Variants in SRSF11 observed in about 807,000 individuals in gnomAD.
SRSF11 encodes serine and arginine rich splicing factor 11.
Under a neutral mutation model 56.0 loss-of-function variants are expected in SRSF11, and 9 were observed. The ratio of observed to expected loss-of-function variants is 0.16; its 90% CI spans 0.10 to 0.28. The LOEUF (loss-of-function observed/expected upper bound fraction) is 0.28. Ranked by LOEUF, SRSF11 falls within the 10% of genes least tolerant of loss-of-function variation. The pLI is 1.00. For synonymous variants in SRSF11, 222 were observed against 215.3 expected (o/e 1.03, Z -0.27); for missense variants, 421 against 600.7 (o/e 0.70, Z 3.13).
chr1:70,252,968 A>G lies in SRSF11; in HGVS notation c.*2163A>G, dbSNP rs1208944724. ...AGCCTTTTAACAGATAACCAGTTGA[A>G]ATCAAACACTGCCTCCACACCGAGT... On this transcript the variant is annotated 3_prime_UTR_variant, in exon 12 of 12. Coordinates refer to ENST00000370949, the MANE Select transcript of SRSF11 (RefSeq NM_001350605.2). 6.6e-6 allele frequency: 1 copy of G among 152,232 alleles called. No individual in the cohort carries two copies. Among genetic ancestry groups the G allele is most frequent in the African/African-American group, 2.4e-5 (1 of 41,468 alleles). 9.4% of individuals were successfully genotyped at this position (152,232 alleles called of 1,614,324 possible). A position where few individuals can be genotyped will look rare whatever the true frequency, so the allele number is the denominator to read the frequency against.
intron 1 of SRSF11, chr1:70,222,630 A>G (rs1670909195): frequency 6.6e-6 from 1 of 152,218 alleles, no homozygotes; most frequent in Non-Finnish European, 1.5e-5. Flanking sequence ...TGTACTACTA[A>G]AACAGACAAT....
At chr1:70,235,669 T>C (rs1047741470) in intron 5 of SRSF11, 119 bp downstream of exon 5, 2 of 941,552 alleles carry the variant, frequency 2.1e-6, no homozygotes, top group African/African-American at 3.3e-5. Context: ...ACAAGCAATA[T>C]GTATTGTTAC....
intron 1 of SRSF11, among the ~76,000 whole-genome samples, chr1:70,209,812 T>C (rs1453346393): frequency 7.5e-6 from 1 of 134,226 alleles, no homozygotes; most frequent in Non-Finnish European, 1.6e-5. Flanking sequence ...TTGCCCAGGC[T>C]GTTCTCAAAC....
chr1:70,207,406 A>G (rs915023457), intron 1 of SRSF11, among the ~76,000 whole-genome samples: 5 of 152,166 alleles, frequency 3.3e-5, no homozygotes, highest in Admixed American at 6.5e-5. Flanking sequence ...AACTTACCCA[A>G]CCTCACAAGT....
rs558376698 is a variant in SRSF11 at position 70,221,711 on chromosome 1, T to C, written c.75T>C (p.Gly25=). ...GCGGGCCCGGTGGCGGAGGTGGTGG[T>C]GGCGGCGGAGGCGGCGGCACCGAGG... The part of the protein sequence containing the change: ...PSGGPGGGGG[G]GGGGGGTEVI... The change falls in exon 1 of 12, where the codon GGT becomes GGC. Residue 25 remains glycine (G), a synonymous_variant. Coordinates refer to ENST00000370949, the MANE Select transcript of SRSF11 (RefSeq NM_001350605.2). 3.1e-6 allele frequency: 5 copies of C among 1,612,650 alleles called. No individual in the cohort carries two copies. Among genetic ancestry groups the C allele is most frequent in the East Asian group, 2.2e-5 (1 of 44,844 alleles).
intron 6 of SRSF11, 60 bp downstream of exon 6, chr1:70,237,612 AT>A: frequency 6.3e-7 from 1 of 1,597,798 alleles, no homozygotes; most frequent in Non-Finnish European, 8.5e-7. Flanking sequence ...TTTGACATAA[AT>A]GTGGAATTGT....
intron 8 of SRSF11, among the ~76,000 whole-genome samples, chr1:70,245,995 G>A (rs1224906314): frequency 6.6e-6 from 1 of 152,102 alleles, no homozygotes; most frequent in Admixed American, 6.6e-5. Context: ...GGGAACCAAT[G>A]ATAAAGATTG....
At chr1:70,220,974 A>G (rs1206296220), upstream of SRSF11, 4 of 152,206 alleles carry the variant, frequency 2.6e-5, no homozygotes, top group African/African-American at 7.2e-5. Context: ...TGTTACCAAA[A>G]TTCATGTACA....
intron 9 of SRSF11, chr1:70,248,910 G>A (rs1259504656): frequency 6.6e-6 from 1 of 152,210 alleles, no homozygotes; most frequent in Non-Finnish European, 1.5e-5. Context: ...TCGTGACAAT[G>A]TTTGATAAGT....
chr1:70,218,887 C>T (rs1355205179), upstream of SRSF11: 1 of 151,894 alleles, frequency 6.6e-6, no homozygotes, highest in Non-Finnish European at 1.5e-5. Flanking sequence ...TAACCAACCC[C>T]CATCAAAAAT....
At chr1:70,227,969 CATT>C (rs1461408473) in intron 1 of SRSF11, among the ~76,000 whole-genome samples, 2 of 152,166 alleles carry the variant, frequency 1.3e-5, no homozygotes, top group African/African-American at 4.8e-5. Context: ...CAAGAAAACT[CATT>C]GATTATTGAG....
intron 2 of SRSF11, chr1:70,229,008 A>T (rs1304281494): frequency 1.0e-6 from 1 of 985,096 alleles, no homozygotes; most frequent in Non-Finnish European, 1.2e-6. Flanking sequence ...GAAAAAAAAA[A>T]AACACATTGA....
intron 2 of SRSF11, chr1:70,228,794 A>G: frequency 8.6e-7 from 1 of 1,164,862 alleles, no homozygotes; most frequent in Non-Finnish European, 1.1e-6. Context: ...TAAGTTGTTT[A>G]AAACCATGTC....
chr1:70,244,581 A>G (rs1676308239), intron 7 of SRSF11, 103 bp from the exon 8 acceptor site: 3 of 1,249,256 alleles, frequency 2.4e-6, no homozygotes, highest in African/African-American at 1.5e-5. Context: ...CCCCCATTTA[A>G]TTGTTTAGTC....
chr1:70,237,413 G>T lies in SRSF11; in HGVS notation c.591-12G>T. 1 of 1,610,816 alleles carries T rather than the reference G, an allele frequency of 6.2e-7. No homozygotes were observed. Among genetic ancestry groups the T allele is most frequent in the South Asian group, 1.1e-5 (1 of 90,212 alleles). On this transcript the variant is annotated splice_polypyrimidine_tract_variant and intron_variant, in intron 5 of 11. Transcript: ENST00000370949. ...AAAATATTTCAGATCCCATTTCTTG[G>T]TTCTGTTTCAGGTTGAATCATGTAG...
intron 2 of SRSF11, chr1:70,229,837 A>T: frequency 2.0e-6 from 2 of 983,252 alleles, no homozygotes; most frequent in South Asian, 9.4e-5. Flanking sequence ...ATGTAATAGT[A>T]CCTCTGTCTC....
At chr1:70,239,955 A>G (rs1407908544) in intron 7 of SRSF11, among the ~76,000 whole-genome samples, 1 of 152,198 alleles carries the variant, frequency 6.6e-6, no homozygotes, top group Non-Finnish European at 1.5e-5. Context: ...TCAGATTTTT[A>G]TCATTGGCAA....
intron 7 of SRSF11, among the ~76,000 whole-genome samples, chr1:70,242,192 G>T (rs1675603032): frequency 6.6e-6 from 1 of 151,350 alleles, no homozygotes; most frequent in South Asian, 2.1e-4. Flanking sequence ...GGGAGAGCCT[G>T]TGTCTTTTTC....
intron 5 of SRSF11, among the ~76,000 whole-genome samples, chr1:70,237,132 T>C (rs932144071): frequency 8.5e-5 from 13 of 152,294 alleles, no homozygotes; most frequent in African/African-American, 3.1e-4. Flanking sequence ...CATCAGCATA[T>C]TTTCTTGTAC....
Sources: allele counts gnomAD v4.1 joint callset (sites outside exome capture counted in the v4.1 genomes callset), GRCh38; gene constraint gnomAD v4.1.1; transcripts MANE v1.5; gene names NCBI Gene and HGNC (gene_info 2026-07-23, HGNC 2026-07-21).